GRIA4: variants seen among roughly 807,000 people sequenced by gnomAD.
GRIA4 encodes glutamate receptor 4.
In GRIA4, 34 loss-of-function variants were observed where a neutral mutation model predicts 104.0. The ratio of observed to expected loss-of-function variants is 0.33; its 90% CI spans 0.25 to 0.44. GRIA4 has a LOEUF of 0.44. Ranked by LOEUF, GRIA4 falls within the 20% of genes least tolerant of loss-of-function variation. The probability of loss-of-function intolerance (pLI) is 1.00; values close to 1 mark genes in which losing one functional copy is unlikely to be tolerated. For missense variants in GRIA4, 750 were observed against 1,096.5 expected (o/e 0.68, Z 4.46); for synonymous variants, 386 against 381.9 (o/e 1.01, Z -0.13).
chr11:105,883,185 T>C (rs1946125626), intron 5 of GRIA4, among the ~76,000 whole-genome samples: 1 of 152,146 alleles, frequency 6.6e-6, no homozygotes, highest in African/African-American at 2.4e-5. Context: ...GTAAGGATTA[T>C]CATCGTTGAG....
chr11:105,732,668 A>T (rs1483546239), intron 3 of GRIA4, among the ~76,000 whole-genome samples: 1 of 152,164 alleles, frequency 6.6e-6, no homozygotes, highest in Non-Finnish European at 1.5e-5. Context: ...CTGGATTTTT[A>T]CACGATCCAA....
intron 3 of GRIA4, among the ~76,000 whole-genome samples, chr11:105,694,646 T>A (rs1322666367): frequency 6.6e-6 from 1 of 152,106 alleles, no homozygotes; most frequent in Non-Finnish European, 1.5e-5. Flanking sequence ...GTGGAAATAT[T>A]TCATCTATAT....
intron 4 of GRIA4, among the ~76,000 whole-genome samples, chr11:105,835,497 G>T (rs1465580077): frequency 2.0e-5 from 3 of 151,898 alleles, no homozygotes; most frequent in Non-Finnish European, 4.4e-5. Flanking sequence ...ATAATCAAAT[G>T]GTATTGAAAT....
chr11:105,910,044 C>A (rs950646228), intron 9 of GRIA4, among the ~76,000 whole-genome samples: 7 of 151,992 alleles, frequency 4.6e-5, no homozygotes, highest in Non-Finnish European at 1.0e-4. Flanking sequence ...CTGGCTATTC[C>A]CTTTACTATA....
chr11:105,881,000 C>T (rs1939153), intron 5 of GRIA4, among the ~76,000 whole-genome samples: 74,202 of 151,996 alleles, frequency 0.49, 18,113 homozygotes, highest in Admixed American at 0.53. Context: ...AAACAAAGAT[C>T]TGTGTGCACA....
At position 105,910,524 on chromosome 11, in the gene GRIA4, A is replaced by C. The variant is rs769730884; in HGVS notation, c.1248A>C (p.Thr416=). 2.6e-6 allele frequency: 4 copies of C among 1,558,814 alleles called. No homozygotes were observed. The South Asian group carries it at 4.4e-5, about 17-fold the overall frequency. ...GNDTAAIENR[T]VVVTTIMESP... is the part of the protein sequence containing the mutation. ...ACACAGCTGCTATTGAGAACAGAAC[A>C]GTGGTTGTAACCACAATTATGGTAA... is the stretch of plus-strand genomic sequence containing the variant. Residue 416 remains threonine (T), a synonymous_variant, in exon 10 of 17, where the codon ACA becomes ACC. Transcript: ENST00000282499.
At chr11:105,867,490 G>A (rs1438866200) in intron 5 of GRIA4, among the ~76,000 whole-genome samples, 4 of 152,094 alleles carry the variant, frequency 2.6e-5, no homozygotes, top group Non-Finnish European at 5.9e-5. Flanking sequence ...ATCAGGTATC[G>A]TACAAATCTA....
chr11:105,728,291 T>C (rs575726825), intron 3 of GRIA4, among the ~76,000 whole-genome samples: 19 of 152,292 alleles, frequency 1.2e-4, no homozygotes, highest in African/African-American at 4.6e-4. Context: ...CATTACATAA[T>C]GGTAAAGGGA....
intron 3 of GRIA4, among the ~76,000 whole-genome samples, chr11:105,730,078 G>C (rs1938491400): frequency 1.3e-5 from 2 of 152,168 alleles, no homozygotes; most frequent in Non-Finnish European, 2.9e-5. Context: ...TAGGAAGAGA[G>C]GAAGTCAATT....
At chr11:105,809,963 T>C (rs962052745) in intron 4 of GRIA4, among the ~76,000 whole-genome samples, 7 of 152,124 alleles carry the variant, frequency 4.6e-5, no homozygotes, top group African/African-American at 7.2e-5. Context: ...AGATCATTTT[T>C]TTTAAACTCC....
intron 14 of GRIA4, among the ~76,000 whole-genome samples, chr11:105,936,019 G>A (rs1948025185): frequency 6.6e-6 from 1 of 152,050 alleles, no homozygotes; most frequent in Non-Finnish European, 1.5e-5. Flanking sequence ...ACAATTTCCT[G>A]AGCAAGCTGG....
At chr11:105,705,194 G>T (rs566465163) in intron 3 of GRIA4, among the ~76,000 whole-genome samples, 23 of 152,064 alleles carry the variant, frequency 1.5e-4, no homozygotes, top group Admixed American at 9.8e-4. Context: ...AATGTTTGTG[G>T]GACAACTGGT....
At chr11:105,706,041 A>G (rs1240094766) in intron 3 of GRIA4, among the ~76,000 whole-genome samples, 1 of 152,240 alleles carries the variant, frequency 6.6e-6, no homozygotes, top group Non-Finnish European at 1.5e-5. Context: ...ACATCCACAC[A>G]GTGCAGTACT....
chr11:105,921,306 GGTGTGTGTGT>G (rs5794436), intron 11 of GRIA4, among the ~76,000 whole-genome samples: 42 of 138,848 alleles, frequency 3.0e-4, no homozygotes, highest in African/African-American at 7.5e-4. Context: ...ACCACACTTG[GGTGTGTGTGT>G]GTGTGTGTGT....
chr11:105,714,388 T>C (rs916333823), intron 3 of GRIA4, among the ~76,000 whole-genome samples: 1 of 152,084 alleles, frequency 6.6e-6, no homozygotes, highest in African/African-American at 2.4e-5. Context: ...CAATCTGATA[T>C]CACTTTGAGA....
At chr11:105,888,385 G>A (rs948060947) in intron 6 of GRIA4, among the ~76,000 whole-genome samples, 2 of 133,526 alleles carry the variant, frequency 1.5e-5, no homozygotes, top group Non-Finnish European at 3.1e-5. Flanking sequence ...CCGGGTTCAC[G>A]CCATTCTCCT....
At chr11:105,965,215 T>G (rs1253955567) in intron 14 of GRIA4, among the ~76,000 whole-genome samples, 1 of 151,960 alleles carries the variant, frequency 6.6e-6, no homozygotes, top group Non-Finnish European at 1.5e-5. Flanking sequence ...GTTTGCAAAG[T>G]CAGTATCACA....
chr11:105,658,055 T>A (rs1305357769), intron 3 of GRIA4, among the ~76,000 whole-genome samples: 1 of 151,826 alleles, frequency 6.6e-6, no homozygotes, highest in Non-Finnish European at 1.5e-5. Flanking sequence ...AGAGAAAGTG[T>A]TAACAGCATA....
At chr11:105,734,291 AT>A (rs1329664880) in intron 3 of GRIA4, among the ~76,000 whole-genome samples, 1 of 151,880 alleles carries the variant, frequency 6.6e-6, no homozygotes, top group Non-Finnish European at 1.5e-5. Context: ...TGAGATGTAA[AT>A]TTTGCCTAAC....
Sources: gnomAD v4.1 joint callset for allele counts (sites outside exome capture counted in the v4.1 genomes callset) on GRCh38, gnomAD v4.1.1 for gene constraint, MANE v1.5 for transcripts, NCBI Gene and HGNC (gene_info 2026-07-23, HGNC 2026-07-21) for gene names.